BBS9: variants seen among roughly 807,000 people sequenced by gnomAD.
The protein encoded by BBS9 is Bardet-Biedl syndrome 9.
In BBS9, 89 loss-of-function variants were observed where a neutral mutation model predicts 117.7. That is an observed-to-expected ratio of 0.76 (90% CI 0.64 to 0.90). The LOEUF (loss-of-function observed/expected upper bound fraction) is 0.90. BBS9 is among the 40% of genes least tolerant of loss of function. The pLI is 0.00. For missense variants in BBS9, 982 were observed against 1,042.2 expected, an observed-to-expected ratio of 0.94 and a Z score of 0.80; for synonymous variants, 379 against 370.9, an observed-to-expected ratio of 1.02 and a Z score of -0.25.
chr7:33,328,993 T>TTTTATTTATTTATTTATTTATTTA (rs35454084), intron 9 of BBS9, among the ~76,000 whole-genome samples: 6 of 145,364 alleles, frequency 4.1e-5, no homozygotes, highest in Non-Finnish European at 7.5e-5. Flanking sequence ...GTTTTCCTTC[T>TTTTATTTATTTATTTATTTATTTA]TTTATTTATT....
At chr7:33,193,976 C>T (rs183805933) in intron 5 of BBS9, among the ~76,000 whole-genome samples, 3 of 152,320 alleles carry the variant, frequency 2.0e-5, no homozygotes, top group South Asian at 4.1e-4. Context: ...TGAGGCTTCA[C>T]ATGGCAATTC....
chr7:33,409,837 A>G (rs936431564), intron 19 of BBS9, among the ~76,000 whole-genome samples: 3 of 152,130 alleles, frequency 2.0e-5, no homozygotes, highest in African/African-American at 7.2e-5. Context: ...GCCACCGTGC[A>G]TTTGCTGATG....
intron 21 of BBS9, among the ~76,000 whole-genome samples, chr7:33,578,484 T>TGCAG (rs1214428757): frequency 2.0e-5 from 3 of 152,202 alleles, no homozygotes; most frequent in African/African-American, 7.2e-5. Context: ...CACCTGCTTG[T>TGCAG]GCAGGCCCTT....
intron 19 of BBS9, among the ~76,000 whole-genome samples, chr7:33,485,873 C>G (rs977642084): frequency 6.6e-6 from 1 of 152,270 alleles, no homozygotes. Flanking sequence ...ATGGAGATAG[C>G]TGGTCACCTC....
intron 5 of BBS9, among the ~76,000 whole-genome samples, chr7:33,196,996 G>A (rs1785056022): frequency 6.6e-6 from 1 of 151,956 alleles, no homozygotes; most frequent in African/African-American, 2.4e-5. Flanking sequence ...TAAAAGGTGA[G>A]TTCTGATTCC....
In BBS9 at chr7:33,233,555, T is replaced by G. The variant is rs545741569; in HGVS notation, c.443-23681T>G. On this transcript the variant is annotated intron_variant, in intron 5 of 22. Coordinates refer to ENST00000242067, the MANE Select transcript of BBS9 (RefSeq NM_198428.3). ...ATTGTATTTCATACACTATGTTTTC[T>G]GTCATATCAAGCATTTTTTTTCTTA... Among the ~76,000 whole-genome samples the G allele has an allele frequency of 7.2e-5, 11 of 152,304 alleles. No homozygotes were observed. The South Asian group carries it at 2.3e-3, about 32-fold the overall frequency.
At chr7:33,225,079 G>A (rs903565111) in intron 5 of BBS9, among the ~76,000 whole-genome samples, 1 of 152,180 alleles carries the variant, frequency 6.6e-6, no homozygotes, top group African/African-American at 2.4e-5. Flanking sequence ...AAAATTCAGG[G>A]TTGGTTCTCT....
chr7:33,166,233 T>C (rs570281368), intron 4 of BBS9, among the ~76,000 whole-genome samples: 2 of 152,274 alleles, frequency 1.3e-5, no homozygotes, highest in African/African-American at 4.8e-5. Context: ...TGGAAGCTTC[T>C]TCCCAGAAGG....
intron 19 of BBS9, among the ~76,000 whole-genome samples, chr7:33,465,710 AGGTTATTGTAT>A (rs1840066182): frequency 6.6e-6 from 1 of 152,062 alleles, no homozygotes; most frequent in Non-Finnish European, 1.5e-5. Context: ...TCATTTTGTA[AGGTTATTGTAT>A]GGATTGAGTT....
chr7:33,162,055 C>T (rs1487489550), intron 4 of BBS9, among the ~76,000 whole-genome samples: 1 of 152,136 alleles, frequency 6.6e-6, no homozygotes, highest in Non-Finnish European at 1.5e-5. Flanking sequence ...CAAAAACTTT[C>T]TCCCATTCTG....
intron 1 of BBS9, among the ~76,000 whole-genome samples, chr7:33,142,650 G>C (rs1314077728): frequency 6.6e-6 from 1 of 152,052 alleles, no homozygotes; most frequent in East Asian, 1.9e-4. Context: ...GACTATTCTA[G>C]GTACCTCACA....
chr7:33,354,599 C>T (rs940938297), intron 15 of BBS9, among the ~76,000 whole-genome samples: 1 of 152,000 alleles, frequency 6.6e-6, no homozygotes, highest in Non-Finnish European at 1.5e-5. Flanking sequence ...GTTCTAAAGG[C>T]ATTATATAGA....
At chr7:33,407,580 C>A (rs1428244255) in intron 19 of BBS9, among the ~76,000 whole-genome samples, 1 of 151,050 alleles carries the variant, frequency 6.6e-6, no homozygotes, top group Non-Finnish European at 1.5e-5. Flanking sequence ...TACTTTTGGT[C>A]TTTGATGATG....
chr7:33,154,550 C>T (rs534961426), intron 3 of BBS9, among the ~76,000 whole-genome samples: 1 of 152,236 alleles, frequency 6.6e-6, no homozygotes, highest in Non-Finnish European at 1.5e-5. Context: ...GCTGCAACCT[C>T]CGCCTCCCAG....
Position 33,388,127 on chromosome 7 carries a change from G to T in BBS9, c.2098G>T (p.Asp700Tyr). The T allele has an allele frequency of 1.2e-6, 2 of 1,614,138 alleles. No homozygotes were observed. The highest frequency in any genetic ancestry group is 1.7e-6 in the Non-Finnish European group (2 of 1,180,000). ...TCTTCAACACCTGGACACCTTGTTAGATGGAACCTACAAGCAGGTCAGTAT... is the reference window on the plus strand; with the variant it reads ...TCTTCAACACCTGGACACCTTGTTATATGGAACCTACAAGCAGGTCAGTAT... ...APLQHLDTLL[D>Y]GTYKQVIALA... Residue 700 changes from aspartate (D) to tyrosine (Y), a missense_variant, in exon 19 of 23, where the codon GAT (aspartate) becomes TAT (tyrosine). Transcript: ENST00000242067.
intron 19 of BBS9, among the ~76,000 whole-genome samples, chr7:33,472,011 C>CA (rs11285568): frequency 2.6e-5 from 4 of 152,102 alleles, no homozygotes; most frequent in Admixed American, 6.5e-5. Context: ...TTTCTTAGGG[C>CA]AAAAAAAACC....
At chr7:33,412,508 C>T (rs545236385) in intron 19 of BBS9, among the ~76,000 whole-genome samples, 5 of 152,342 alleles carry the variant, frequency 3.3e-5, no homozygotes, top group Admixed American at 1.3e-4. Context: ...ATGCACTTTA[C>T]AACTTGCATG....
intron 6 of BBS9, among the ~76,000 whole-genome samples, chr7:33,259,258 G>T (rs1313951212): frequency 1.3e-5 from 2 of 152,062 alleles, no homozygotes; most frequent in Admixed American, 6.6e-5. Flanking sequence ...TTTTGATATT[G>T]ATACCTTTAG....
chr7:33,261,616 A>G (rs1231917684), intron 6 of BBS9, among the ~76,000 whole-genome samples: 1 of 152,228 alleles, frequency 6.6e-6, no homozygotes, highest in Non-Finnish European at 1.5e-5. Context: ...TTTTGAAAAT[A>G]AATGATTTTG....
Sources: gnomAD v4.1 joint callset for allele counts (sites outside exome capture counted in the v4.1 genomes callset) on GRCh38, gnomAD v4.1.1 for gene constraint, MANE v1.5 for transcripts, NCBI Gene and HGNC (gene_info 2026-07-23, HGNC 2026-07-21) for gene names.